The following ATXN3 variants were observed in gnomAD, a reference collection of about 807,000 sequenced individuals.
ATXN3 encodes the protein ataxin-3.
In ATXN3, 28 loss-of-function variants were observed where a neutral mutation model predicts 58.2. The observed-to-expected ratio is 0.48, with a 90% CI of 0.36 to 0.66. The LOEUF is 0.66. Ranked by LOEUF, ATXN3 falls within the 30% of genes least tolerant of loss-of-function variation. The probability of loss-of-function intolerance (pLI) is 0.00; values close to 1 mark genes in which losing one functional copy is unlikely to be tolerated. For synonymous variants in ATXN3, 113 were observed against 138.5 expected (o/e 0.82, Z 1.29); for missense variants, 321 against 422.1 (o/e 0.76, Z 2.10).
intron 3 of ATXN3, among the ~76,000 whole-genome samples, chr14:92,095,758 G>A (rs1036594016): frequency 5.3e-5 from 8 of 151,672 alleles, no homozygotes; most frequent in Non-Finnish European, 8.8e-5. Context: ...TGGCCAACAC[G>A]GTGAAACCCC....
intron 9 of ATXN3, among the ~76,000 whole-genome samples, chr14:92,078,342 T>A (rs976531846): frequency 7.0e-6 from 1 of 143,002 alleles, no homozygotes; most frequent in Non-Finnish European, 1.5e-5. Context: ...ATTAAGTAGA[T>A]TTAAGTTATT....
chr14:92,099,226 C>G (rs1272116341), intron 1 of ATXN3, among the ~76,000 whole-genome samples: 1 of 152,178 alleles, frequency 6.6e-6, no homozygotes, highest in Non-Finnish European at 1.5e-5. Context: ...CTATGTCACA[C>G]AGCAGACTCT....
intron 6 of ATXN3, among the ~76,000 whole-genome samples, chr14:92,085,945 A>C (rs576674066): frequency 6.6e-6 from 1 of 152,364 alleles, no homozygotes; most frequent in South Asian, 2.1e-4. Flanking sequence ...GTTTCTAAGA[A>C]GGGATATCAT....
At chr14:92,089,105 C>T (rs1289669852) in intron 5 of ATXN3, among the ~76,000 whole-genome samples, 2 of 151,628 alleles carry the variant, frequency 1.3e-5, no homozygotes, top group Non-Finnish European at 2.9e-5. Flanking sequence ...CAACCTCTGC[C>T]TCCCAGGTTC....
chr14:92,096,949 C>T (rs1011806296), intron 1 of ATXN3, 111 bp from the exon 2 acceptor site: 17 of 971,682 alleles, frequency 1.7e-5, no homozygotes, highest in Non-Finnish European at 2.6e-5. Context: ...ACTCTTTCAC[C>T]CAGGCCGGAG....
At chr14:92,097,976 TAAAC>T (rs1192736268) in intron 1 of ATXN3, among the ~76,000 whole-genome samples, 1 of 152,222 alleles carries the variant, frequency 6.6e-6, no homozygotes, top group Non-Finnish European at 1.5e-5. Flanking sequence ...AGAATTATTT[TAAAC>T]AAACATCATC....
chr14:92,075,029 C>T (rs17734627), intron 9 of ATXN3, among the ~76,000 whole-genome samples: 11,682 of 152,154 alleles, frequency 0.077, 589 homozygotes, highest in Admixed American at 0.14. Flanking sequence ...AGTGACACAG[C>T]TGATGTAGTA....
chr14:92,104,858 G>T (rs1034829188), intron 1 of ATXN3, among the ~76,000 whole-genome samples: 4 of 150,978 alleles, frequency 2.6e-5, no homozygotes, highest in African/African-American at 4.9e-5. Flanking sequence ...GGAGGCGGAG[G>T]TTGCAGTGAG....
Position 92,081,064 on chromosome 14 carries a change from G to GAAAAC in ATXN3, c.776-8_776-4dup. 1 of 1,583,374 alleles carries GAAAAC rather than the reference G, an allele frequency of 6.3e-7. No individual in the cohort carries two copies. The highest frequency in any genetic ancestry group is 8.7e-7 in the Non-Finnish European group (1 of 1,153,356). On this transcript the variant is annotated splice_polypyrimidine_tract_variant and splice_region_variant and intron_variant, in intron 8 of 10. Coordinates refer to ENST00000644486, the MANE Select transcript of ATXN3 (RefSeq NM_004993.6). ...TTGAGATATGTTTCTGGAACTACCT[G>GAAAAC]AAAACAAAACACAACACAACAAAAA...
chr14:92,048,719 A>T (rs956564873), intron 1 of ATXN3, among the ~76,000 whole-genome samples: 1 of 151,890 alleles, frequency 6.6e-6, no homozygotes, highest in Non-Finnish European at 1.5e-5. Flanking sequence ...CGGTGTGAGG[A>T]GGGGGTGATA....
At chr14:92,095,689 G>A (rs2065040251) in intron 3 of ATXN3, among the ~76,000 whole-genome samples, 1 of 151,138 alleles carries the variant, frequency 6.6e-6, no homozygotes, top group Admixed American at 6.6e-5. Flanking sequence ...CAGGTGCAGT[G>A]GCTCACACCT....
intron 9 of ATXN3, among the ~76,000 whole-genome samples, chr14:92,075,584 TA>T (rs2060223326): frequency 6.6e-6 from 1 of 152,122 alleles, no homozygotes; most frequent in Non-Finnish European, 1.5e-5. Context: ...AAGCTTCAAA[TA>T]CTCAAAAAGG....
intron 8 of ATXN3, 62 bp downstream of exon 8, chr14:92,082,238 T>G: frequency 6.6e-7 from 1 of 1,519,514 alleles, no homozygotes; most frequent in Non-Finnish European, 8.9e-7. Context: ...TTCCATGAAA[T>G]CTAAGAATAA....
intron 1 of ATXN3, among the ~76,000 whole-genome samples, chr14:92,104,938 A>G (rs1293714715): frequency 2.0e-5 from 3 of 149,896 alleles, no homozygotes; most frequent in African/African-American, 4.9e-5. Flanking sequence ...AAAAAAAAAA[A>G]AAGTACGTGT....
intron 4 of ATXN3, 177 bp downstream of exon 4, chr14:92,093,569 A>G: frequency 3.1e-6 from 2 of 647,854 alleles, no homozygotes; most frequent in Non-Finnish European, 5.3e-6. Context: ...GGTGCCAGGA[A>G]GGCTACAGGG....
At chr14:92,079,286 T>C (rs1181024073) in intron 9 of ATXN3, 3 of 246,546 alleles carry the variant, frequency 1.2e-5, no homozygotes, top group Non-Finnish European at 1.9e-5. Context: ...TTGTATAAAT[T>C]TGGAGTTTAT....
intron 10 of ATXN3, 82 bp downstream of exon 10, chr14:92,070,853 T>C: frequency 6.2e-7 from 1 of 1,612,226 alleles, no homozygotes; most frequent in Non-Finnish European, 8.5e-7. Context: ...TGAAGAATAA[T>C]GTAAAGCAAA....
At chr14:92,093,938 C>A in intron 3 of ATXN3, 107 bp from the exon 4 acceptor site, 1 of 612,778 alleles carries the variant, frequency 1.6e-6, no homozygotes, top group South Asian at 2.0e-5. Context: ...CTCTAGAAGG[C>A]TATAGGTTTT....
At chr14:92,074,980 G>A (rs1281230530) in intron 9 of ATXN3, among the ~76,000 whole-genome samples, 3 of 152,146 alleles carry the variant, frequency 2.0e-5, no homozygotes, top group Admixed American at 2.0e-4. Context: ...CACACACATT[G>A]CTTAATTTCA....
Sources: gnomAD v4.1 joint callset for allele counts (sites outside exome capture counted in the v4.1 genomes callset) on GRCh38, gnomAD v4.1.1 for gene constraint, MANE v1.5 for transcripts, NCBI Gene and HGNC (gene_info 2026-07-23, HGNC 2026-07-21) for gene names.